SUSD4: variants seen among roughly 807,000 people sequenced by gnomAD.
The protein encoded by SUSD4 is sushi domain containing 4.
In SUSD4, 41 loss-of-function variants were observed where a neutral mutation model predicts 50.5. That is an observed-to-expected ratio of 0.81 (90% CI 0.63 to 1.05). The LOEUF (loss-of-function observed/expected upper bound fraction) is 1.05. SUSD4 is among the 50% of genes least tolerant of loss of function. The probability of loss-of-function intolerance (pLI) is 0.00; values close to 1 mark genes in which losing one functional copy is unlikely to be tolerated. For missense variants in SUSD4, 580 were observed against 634.7 expected (o/e 0.91, Z 0.93); for synonymous variants, 257 against 257.3 (o/e 1.00, Z 0.01).
intron 2 of SUSD4, among the ~76,000 whole-genome samples, chr1:223,339,000 G>A (rs1200341764): frequency 1.3e-5 from 2 of 152,192 alleles, no homozygotes; most frequent in East Asian, 1.9e-4. Context: ...TGTGGTGAGA[G>A]ATGGGAAGAG....
chr1:223,295,918 G>A (rs149603957), intron 2 of SUSD4, among the ~76,000 whole-genome samples: 205 of 152,178 alleles, frequency 1.3e-3, no homozygotes, highest in Non-Finnish European at 2.3e-3. Context: ...GATCTCTCTG[G>A]TGCCCATGTG....
At chr1:223,260,051 C>T (rs1309221545) in intron 5 of SUSD4, among the ~76,000 whole-genome samples, 1 of 152,138 alleles carries the variant, frequency 6.6e-6, no homozygotes, top group African/African-American at 2.4e-5. Flanking sequence ...AACAAAAATG[C>T]CATAAATGCC....
At chr1:223,284,278 C>T (rs983421200) in intron 3 of SUSD4, among the ~76,000 whole-genome samples, 5 of 152,186 alleles carry the variant, frequency 3.3e-5, no homozygotes, top group South Asian at 2.1e-4. Context: ...GATTTGGTAA[C>T]GAGATCCAAC....
rs188852735 is a variant in SUSD4, at chr1:223,335,172, C to T, written c.148+28106G>A. Reference sequence around the variant, plus strand: ...CATTTTTGCAATTGTGAATGTGCTGCTATAAACATGTGTATGCAAGTATTT... The same window carrying T: ...CATTTTTGCAATTGTGAATGTGCTGTTATAAACATGTGTATGCAAGTATTT... On this transcript the variant is annotated intron_variant, in intron 2 of 8. Coordinates refer to ENST00000366878, the MANE Select transcript of SUSD4 (RefSeq NM_017982.4). 5.8e-3 allele frequency among the ~76,000 whole-genome samples: 882 copies of T among 152,274 alleles called. 11 individuals carry two copies. Among genetic ancestry groups the T allele is most frequent in the Non-Finnish European group, 6.5e-3 (442 of 68,030 alleles).
At chr1:223,354,626 C>T (rs891631616) in intron 2 of SUSD4, among the ~76,000 whole-genome samples, 1 of 152,150 alleles carries the variant, frequency 6.6e-6, no homozygotes, top group Non-Finnish European at 1.5e-5. Flanking sequence ...GATGAGCCCC[C>T]CAACACACAC....
At chr1:223,353,740 G>A (rs997160556) in intron 2 of SUSD4, among the ~76,000 whole-genome samples, 2 of 152,160 alleles carry the variant, frequency 1.3e-5, no homozygotes, top group African/African-American at 4.8e-5. Flanking sequence ...CCAGGACAGA[G>A]GAAGGGGCAG....
chr1:223,263,014 T>C (rs1253491428), intron 5 of SUSD4, among the ~76,000 whole-genome samples: 1 of 152,218 alleles, frequency 6.6e-6, no homozygotes, highest in Non-Finnish European at 1.5e-5. Context: ...CTAGTCTCCA[T>C]AAAGACTGCT....
chr1:223,355,583 AT>A (rs771062626), intron 2 of SUSD4, among the ~76,000 whole-genome samples: 3 of 152,118 alleles, frequency 2.0e-5, no homozygotes, highest in Non-Finnish European at 2.9e-5. Flanking sequence ...CCACATATGT[AT>A]TTTATAAATG....
intron 2 of SUSD4, among the ~76,000 whole-genome samples, chr1:223,359,784 C>T (rs1413241366): frequency 6.6e-6 from 1 of 151,902 alleles, no homozygotes; most frequent in Non-Finnish European, 1.5e-5. Context: ...AAGGGAAGAA[C>T]TTACTGACTA....
At chr1:223,263,780 C>T (rs1662287447) in intron 5 of SUSD4, 3 of 985,484 alleles carry the variant, frequency 3.0e-6, no homozygotes, top group Non-Finnish European at 3.6e-6. Flanking sequence ...ATGCTGTAAA[C>T]TTGTAAGAAC....
Position 223,363,366 on chromosome 1 carries a change from C to G in SUSD4, c.60G>C (p.Gln20His), listed in dbSNP as rs759863644. ...GTCTCTGGGGGGACTGAGGTTGCTG[C>G]TGCTGCTGCTGCTGCTCTAGAAATC... is the stretch of plus-strand genomic sequence containing the variant. The part of the protein sequence containing the change: ...GDGFLEQQQQ[Q>H]QQPQSPQRLL... The change falls in exon 2 of 9, where the codon CAG becomes CAC. Residue 20 changes from glutamine to histidine, a missense_variant. By Grantham distance (24) the Gln-to-His change is conservative. Coordinates refer to ENST00000366878, the MANE Select transcript of SUSD4 (RefSeq NM_017982.4). The G allele has an allele frequency of 6.3e-6, 10 of 1,595,196 alleles. No individual in the cohort carries two copies. The highest frequency in any genetic ancestry group is 8.5e-6 in the Non-Finnish European group (10 of 1,171,176).
intron 2 of SUSD4, among the ~76,000 whole-genome samples, chr1:223,316,783 C>A (rs1666214686): frequency 6.6e-6 from 1 of 152,096 alleles, no homozygotes; most frequent in Admixed American, 6.5e-5. Flanking sequence ...GGTCACAGGG[C>A]AGGATCCAAA....
intron 5 of SUSD4, among the ~76,000 whole-genome samples, chr1:223,243,945 T>C (rs1660753096): frequency 6.6e-6 from 1 of 152,264 alleles, no homozygotes; most frequent in African/African-American, 2.4e-5. Flanking sequence ...AGTAATTATG[T>C]TCTTTCACTC....
At chr1:223,237,453 C>T (rs926434660) in intron 5 of SUSD4, among the ~76,000 whole-genome samples, 1 of 151,940 alleles carries the variant, frequency 6.6e-6, no homozygotes, top group African/African-American at 2.4e-5. Flanking sequence ...CTTCTAGTTT[C>T]TCTTCATTAA....
intron 2 of SUSD4, among the ~76,000 whole-genome samples, chr1:223,302,883 G>A (rs1282206752): frequency 6.6e-6 from 1 of 152,152 alleles, no homozygotes; most frequent in East Asian, 1.9e-4. Context: ...ACATTAATAA[G>A]GAAACGTGAT....
chr1:223,264,220 C>T (rs879880032), intron 5 of SUSD4: 3 of 985,260 alleles, frequency 3.0e-6, no homozygotes, highest in Non-Finnish European at 3.6e-6. Flanking sequence ...AAAACATTTA[C>T]AGCTAAGCCA....
chr1:223,221,063 A>G lies in SUSD4; in HGVS notation c.*1129T>C. 1 of 400,856 alleles carries G rather than the reference A, an allele frequency of 2.5e-6. No homozygotes were observed. The highest frequency in any genetic ancestry group is 3.6e-5 in the East Asian group (1 of 28,082). 24.8% of individuals were successfully genotyped at this position (400,856 alleles called of 1,614,324 possible). A position where few individuals can be genotyped will look rare whatever the true frequency, so the allele number is the denominator to read the frequency against. On this transcript the variant is annotated 3_prime_UTR_variant, in exon 9 of 9. Coordinates refer to ENST00000366878, the MANE Select transcript of SUSD4 (RefSeq NM_017982.4). ...AATCAGTTTCTTAGGAACAACACCC[A>G]GTGGGCATGATGAGACCCTCAAAGT...
At chr1:223,278,343 G>A (rs1663429328) in intron 3 of SUSD4, among the ~76,000 whole-genome samples, 1 of 152,116 alleles carries the variant, frequency 6.6e-6, no homozygotes, top group African/African-American at 2.4e-5. Flanking sequence ...GATGGCACCT[G>A]GAAAATTGGG....
chr1:223,342,792 A>G (rs1667829827), intron 2 of SUSD4, among the ~76,000 whole-genome samples: 1 of 152,190 alleles, frequency 6.6e-6, no homozygotes, highest in Non-Finnish European at 1.5e-5. Context: ...AATACAGGTG[A>G]CTATGTAAAT....
Sources: allele counts gnomAD v4.1 joint callset (sites outside exome capture counted in the v4.1 genomes callset), GRCh38; gene constraint gnomAD v4.1.1; transcripts MANE v1.5; gene names NCBI Gene and HGNC (gene_info 2026-07-23, HGNC 2026-07-21).